ETFB: variants seen among roughly 807,000 people sequenced by gnomAD.
ETFB encodes the protein electron transfer flavoprotein subunit beta, also known as beta-ETF.
A neutral mutation model predicts 25.6 loss-of-function variants in ETFB; 20 were observed. The observed-to-expected ratio is 0.78, with a 90% confidence interval of 0.55 to 1.14. The LOEUF (loss-of-function observed/expected upper bound fraction) is 1.14, where lower values mean the gene tolerates loss of function less well. Ranked by LOEUF, ETFB falls within the 50% of genes most tolerant of loss-of-function variation. The pLI, the probability that ETFB is intolerant of heterozygous loss-of-function variation, is 0.00. For missense variants in ETFB, 286 were observed against 342.6 expected (o/e 0.83, Z 1.30); for synonymous variants, 142 against 146.7 (o/e 0.97, Z 0.23).
At chr19:51,357,480 T>C (rs12979665) in intron 1 of ETFB, among the ~76,000 whole-genome samples, 66,469 of 130,770 alleles carry the variant, frequency 0.51, 17,657 homozygotes, top group Non-Finnish European at 0.57. Flanking sequence ...AATCCTTTTT[T>C]TCTTTCTTTC....
chr19:51,352,855 C>T (rs1345276668), intron 3 of ETFB, among the ~76,000 whole-genome samples: 3 of 152,058 alleles, frequency 2.0e-5, no homozygotes, highest in African/African-American at 7.2e-5. Context: ...CTCAAACTCT[C>T]GACCTCAAGT....
intron 5 of ETFB, chr19:51,346,662 C>T (rs916272537): frequency 3.1e-5 from 17 of 543,922 alleles, no homozygotes; most frequent in African/African-American, 2.8e-4. Context: ...CGAAGGCTTT[C>T]TACTGGCCTA....
At chr19:51,347,636 A>T in intron 4 of ETFB, 1 of 154,110 alleles carries the variant, frequency 6.5e-6, no homozygotes, top group Non-Finnish European at 1.4e-5. Flanking sequence ...TCCTGAATCA[A>T]CATTTCCTCC....
In ETFB at chr19:51,346,625, A is replaced by G. The variant is rs368853825; in HGVS notation, c.597+275T>C. Reference sequence around the variant, plus strand: ...TGAACTTGTTCCACTGGCTGGAATGACAAAGGGAACACCTTCTGCTGCCCA... The same window carrying G: ...TGAACTTGTTCCACTGGCTGGAATGGCAAAGGGAACACCTTCTGCTGCCCA... On this transcript the variant is annotated intron_variant, in intron 5 of 5. Transcript: ENST00000309244. 3.7e-4 allele frequency: 164 copies of G among 444,066 alleles called. No homozygotes were observed. The East Asian group carries it at 6.6e-3, about 18-fold the overall frequency. The allele number at this position is 444,066 out of a possible 1,614,324, so 27.5% of individuals were successfully genotyped here.
intron 1 of ETFB, among the ~76,000 whole-genome samples, chr19:51,361,340 G>A (rs1000164571): frequency 1.3e-5 from 2 of 152,132 alleles, no homozygotes; most frequent in Non-Finnish European, 2.9e-5. Context: ...CGAGTCCCTG[G>A]GCACGTGCTA....
rs374819445 is a variant in ETFB, at chr19:51,354,285, G to A, written c.81C>T (p.Thr27=). ...GCTTCACACCATCCGTGACCACACC[G>A]GTCCTGTCAGGCTTCACTCGGATCT... ...AVKIRVKPDR[T]GVVTDGVKHS... Residue 27 remains threonine, a synonymous_variant, in exon 2 of 6, where the codon ACC becomes ACT. Coordinates refer to ENST00000309244, the MANE Select transcript of ETFB (RefSeq NM_001985.3). 5.3e-5 allele frequency: 86 copies of A among 1,614,040 alleles called. 1 individual carries two copies. The highest frequency in any genetic ancestry group is 6.6e-5 in the Non-Finnish European group (78 of 1,180,038).
Position 51,350,372 on chromosome 19 carries a change from T to G in ETFB, c.395A>C (p.Asn132Thr), listed in dbSNP as rs757361405. The stretch of plus-strand genomic sequence containing the variant: ...TCCAGCTGTCATCTGCCCTGTCTGG[T>G]TACAGTCATCATCGATGGCCTGAAT... The part of the protein sequence containing the change: ...LGKQAIDDDC[N>T]QTGQMTAGFL... The change falls in exon 4 of 6, where the codon AAC (asparagine) becomes ACC (threonine). Residue 132 changes from asparagine to threonine, a missense_variant. Asn to Thr is a moderately conservative substitution (Grantham distance 65). Transcript: ENST00000309244. 1.9e-6 allele frequency: 3 copies of G among 1,590,364 alleles called. No homozygotes were observed. In the Admixed American group the frequency reaches 5.0e-5, roughly 27 times the overall value.
chr19:51,351,200 C>T (rs1055717770), intron 3 of ETFB, among the ~76,000 whole-genome samples: 1 of 152,224 alleles, frequency 6.6e-6, no homozygotes, highest in Non-Finnish European at 1.5e-5. Context: ...GGGCACATGA[C>T]TCAAGCTGCA....
intron 1 of ETFB, among the ~76,000 whole-genome samples, chr19:51,357,402 C>A (rs11881372): frequency 0.37 from 49,914 of 134,682 alleles, 9,261 homozygotes; most frequent in Non-Finnish European, 0.4. Flanking sequence ...AAGTGATTTC[C>A]CCTTCTCAGG....
chr19:51,348,932 C>T (rs868670683), intron 4 of ETFB, among the ~76,000 whole-genome samples: 27 of 152,116 alleles, frequency 1.8e-4, no homozygotes, highest in African/African-American at 6.0e-4. Context: ...ATCCAAAAAA[C>T]GTAAAATACA....
chr19:51,346,841 T>C (rs1985797052), intron 5 of ETFB, 59 bp downstream of exon 5: 2 of 1,509,198 alleles, frequency 1.3e-6, no homozygotes, highest in Admixed American at 3.9e-5. Flanking sequence ...CGGGGGGCAC[T>C]GGGCTGGCAA....
chr19:51,354,012 C>T, intron 2 of ETFB, 138 bp downstream of exon 2: 1 of 1,065,536 alleles, frequency 9.4e-7, no homozygotes, highest in Non-Finnish European at 1.4e-6. Flanking sequence ...CCCAGGAATC[C>T]AGGCTATCAG....
intron 2 of ETFB, 150 bp downstream of exon 2, chr19:51,354,000 G>A: frequency 3.2e-6 from 3 of 939,492 alleles, no homozygotes; most frequent in Non-Finnish European, 4.7e-6. Context: ...TTCTTCCTCA[G>A]ACCCAGGAAT....
chr19:51,359,601 G>GCACA (rs1320774405), intron 1 of ETFB, among the ~76,000 whole-genome samples: 3 of 151,776 alleles, frequency 2.0e-5, no homozygotes, highest in African/African-American at 7.3e-5. Context: ...ACACACGCAC[G>GCACA]CACACACACC....
chr19:51,350,538 G>A, intron 3 of ETFB, 147 bp from the exon 4 acceptor site: 1 of 631,882 alleles, frequency 1.6e-6, no homozygotes, highest in South Asian at 1.5e-5. Flanking sequence ...AGGCTGGAGT[G>A]CAATGGTACA....
Position 51,366,384 on chromosome 19 carries a change from G to GGGCCCCCCC in ETFB, c.-59_-58insGGGGGGGCC. 1 of 1,525,614 alleles carries GGGCCCCCCC rather than the reference G, an allele frequency of 6.6e-7. No homozygotes were observed. Among genetic ancestry groups the GGGCCCCCCC allele is most frequent in the Non-Finnish European group, 8.9e-7 (1 of 1,120,112 alleles). 94.5% of individuals were successfully genotyped at this position (1,525,614 alleles called of 1,614,324 possible). A position where few individuals can be genotyped will look rare whatever the true frequency, so the allele number is the denominator to read the frequency against. On this transcript the variant is annotated 5_prime_UTR_variant, in exon 1 of 6. Transcript: ENST00000309244. The stretch of plus-strand genomic sequence containing the variant: ...GCACCCTCAGCGGCTCAGTCCAGAA[G>GGGCCCCCCC]CCCCACCACCCCCGCCCCCCGCGCC...
At chr19:51,363,209 G>C (rs1437535941) in intron 1 of ETFB, among the ~76,000 whole-genome samples, 7 of 152,114 alleles carry the variant, frequency 4.6e-5, no homozygotes, top group Non-Finnish European at 1.0e-4. Flanking sequence ...GTGAGCACGT[G>C]ATTCTGGGAA....
intron 5 of ETFB, 25 bp from the exon 6 acceptor site, chr19:51,345,406 C>T: frequency 1.2e-6 from 2 of 1,613,536 alleles, no homozygotes; most frequent in Non-Finnish European, 1.7e-6. Context: ...CCATTGTTCA[C>T]AGGGCTGTGG....
chr19:51,348,733 T>C (rs1041861549), intron 4 of ETFB, among the ~76,000 whole-genome samples: 7 of 152,114 alleles, frequency 4.6e-5, no homozygotes, highest in African/African-American at 1.4e-4. Context: ...AAAACACAGA[T>C]ACCCAATGCA....
Sources: allele counts gnomAD v4.1 joint callset (sites outside exome capture counted in the v4.1 genomes callset), GRCh38; gene constraint gnomAD v4.1.1; transcripts MANE v1.5; gene names NCBI Gene and HGNC (gene_info 2026-07-23, HGNC 2026-07-21).